Variants in CREB3L2 observed in about 807,000 individuals in gnomAD.
The protein encoded by CREB3L2 is cyclic AMP-responsive element-binding protein 3-like protein 2.
CREB3L2 carries 23 observed loss-of-function variants against 57.2 expected under a neutral mutation model. The observed-to-expected ratio is 0.40, with a 90% confidence interval of 0.29 to 0.57. The LOEUF is 0.57. CREB3L2 is among the 20% of genes least tolerant of loss of function. The pLI, the probability that CREB3L2 is intolerant of heterozygous loss-of-function variation, is 0.42. For synonymous variants in CREB3L2, 268 were observed against 265.1 expected, an observed-to-expected ratio of 1.01 and a Z score of -0.11; for missense variants, 628 against 634.7, an observed-to-expected ratio of 0.99 and a Z score of 0.11.
chr7:137,916,481 C>T (rs1800135442), intron 2 of CREB3L2, among the ~76,000 whole-genome samples: 1 of 152,110 alleles, frequency 6.6e-6, no homozygotes, highest in Admixed American at 6.6e-5. Flanking sequence ...TTTGGGATGC[C>T]AAGGCAAGAG....
At chr7:137,928,731 G>A (rs1283984407) in intron 1 of CREB3L2, among the ~76,000 whole-genome samples, 1 of 152,114 alleles carries the variant, frequency 6.6e-6, no homozygotes, top group Non-Finnish European at 1.5e-5. Context: ...TCCCATGATG[G>A]CAGAAATCTT....
Position 137,937,897 on chromosome 7 carries a change from T to G in CREB3L2, c.103-9531A>C, listed in dbSNP as rs568317318. On this transcript the variant is annotated intron_variant, in intron 1 of 11. Transcript: ENST00000330387. ...TAGTATCCAGATGAACCTTTTTTTT[T>G]TGTAAATGAAGTATGTGAAATAGAT... Among the ~76,000 whole-genome samples the G allele has an allele frequency of 1.2e-4, 18 of 152,102 alleles. No homozygotes were observed. In the South Asian group the frequency reaches 3.7e-3, roughly 32 times the overall value.
At chr7:137,995,724 A>G (rs1047869634) in intron 1 of CREB3L2, among the ~76,000 whole-genome samples, 1 of 152,190 alleles carries the variant, frequency 6.6e-6, no homozygotes, top group Non-Finnish European at 1.5e-5. Context: ...TCTAGCTGCA[A>G]GCACTGTAAT....
In CREB3L2 at chr7:137,880,603, C is replaced by A. The variant is rs754536469; in HGVS notation, c.1488-52G>T. 3.6e-6 allele frequency: 5 copies of A among 1,403,522 alleles called. No homozygotes were observed. Among genetic ancestry groups the A allele is most frequent in the Admixed American group, 3.4e-5 (2 of 58,814 alleles). 86.9% of individuals were successfully genotyped at this position (1,403,522 alleles called of 1,614,324 possible). A position where few individuals can be genotyped will look rare whatever the true frequency, so the allele number is the denominator to read the frequency against. The stretch of plus-strand genomic sequence containing the variant: ...AGTATTAGTCACCAGCTGTTAGCTA[C>A]AATTCTCATGCTTTGTAGCGTGATG... On this transcript the variant is annotated intron_variant, in intron 11 of 11. Coordinates refer to ENST00000330387, the MANE Select transcript of CREB3L2 (RefSeq NM_194071.4). This position sits in a 1 kb window ranked among gnomAD's most constrained non-coding sequence, Gnocchi z 4.0.
At position 137,879,311 on chromosome 7, in the gene CREB3L2, A is replaced by T. The variant is rs542631193; in HGVS notation, c.*1165T>A. The T allele has an allele frequency of 2.1e-4, 108 of 524,902 alleles. No homozygotes were observed. In the East Asian group the frequency reaches 3.8e-3, roughly 18 times the overall value. The allele number at this position is 524,902 out of a possible 1,614,324, so 32.5% of individuals were successfully genotyped here. A position where few individuals can be genotyped will look rare whatever the true frequency, so the allele number is the denominator to read the frequency against. ...CTACCCCACCCTGCTTTGTTGAGGT[A>T]GGGGACGAGGAGGACAAAGTGGAAG... On this transcript the variant is annotated 3_prime_UTR_variant, in exon 12 of 12. Transcript: ENST00000330387.
chr7:137,971,552 G>A (rs1312803541), intron 1 of CREB3L2, among the ~76,000 whole-genome samples: 1 of 151,998 alleles, frequency 6.6e-6, no homozygotes, highest in East Asian at 1.9e-4. Flanking sequence ...GCTAGGCTGT[G>A]ATGTGTGAGT....
chr7:137,985,241 G>A (rs1338717283), intron 1 of CREB3L2, among the ~76,000 whole-genome samples: 1 of 152,170 alleles, frequency 6.6e-6, no homozygotes, highest in Non-Finnish European at 1.5e-5. Context: ...TAAATGGAAG[G>A]CACAGGAGAG....
chr7:137,989,895 TC>T (rs1801858941), intron 1 of CREB3L2, among the ~76,000 whole-genome samples: 1 of 152,048 alleles, frequency 6.6e-6, no homozygotes, highest in Non-Finnish European at 1.5e-5. Flanking sequence ...CAGTCTAACC[TC>T]CCCTATCCTC....
intron 1 of CREB3L2, among the ~76,000 whole-genome samples, chr7:137,977,698 A>G (rs1801632832): frequency 6.6e-6 from 1 of 152,162 alleles, no homozygotes; most frequent in Non-Finnish European, 1.5e-5. Flanking sequence ...AGGTGGGCGG[A>G]TCACTTGAAG....
In CREB3L2 at chr7:138,002,075, C is replaced by T. The variant is rs141156737; in HGVS notation, c.-370G>A. The T allele has an allele frequency of 1.1e-5, 3 of 274,018 alleles. No individual in the cohort carries two copies. The highest frequency in any genetic ancestry group is 2.2e-5 in the African/African-American group (1 of 46,438). 17.0% of individuals were successfully genotyped at this position (274,018 alleles called of 1,614,324 possible). Reference sequence around the variant, plus strand: ...ACACAAACTTTGAGGGACCCCAGGGCTCCTCGGCTCTGCTCCAGGACCCAG... The same window carrying T: ...ACACAAACTTTGAGGGACCCCAGGGTTCCTCGGCTCTGCTCCAGGACCCAG... On this transcript the variant is annotated 5_prime_UTR_variant, in exon 1 of 12. Coordinates refer to ENST00000330387, the MANE Select transcript of CREB3L2 (RefSeq NM_194071.4).
intron 10 of CREB3L2, among the ~76,000 whole-genome samples, chr7:137,883,291 C>A (rs910554114): frequency 1.3e-5 from 2 of 152,196 alleles, no homozygotes; most frequent in Non-Finnish European, 2.9e-5. Flanking sequence ...CAGAGACACA[C>A]CTGCCTGGTG....
chr7:137,981,004 G>A (rs1448961124), intron 1 of CREB3L2, among the ~76,000 whole-genome samples: 1 of 152,144 alleles, frequency 6.6e-6, no homozygotes, highest in Non-Finnish European at 1.5e-5. Context: ...ACACCCTCCA[G>A]AATGCCAAGA....
chr7:137,901,324 G>C, intron 8 of CREB3L2, 30 bp downstream of exon 8: 1 of 1,334,330 alleles, frequency 7.5e-7, no homozygotes, highest in Non-Finnish European at 1.1e-6. Context: ...CATTGGTAGC[G>C]CAATCAGCTC....
chr7:137,991,880 C>T (rs928548049), intron 1 of CREB3L2, among the ~76,000 whole-genome samples: 6 of 149,978 alleles, frequency 4.0e-5, no homozygotes, highest in African/African-American at 1.5e-4. Context: ...TGCACTCCAG[C>T]CTGGGCAACA....
intron 1 of CREB3L2, among the ~76,000 whole-genome samples, chr7:137,994,886 C>T (rs903640104): frequency 7.2e-5 from 11 of 152,182 alleles, no homozygotes. Flanking sequence ...TAGTTGCTAG[C>T]CCATGTTCAT....
chr7:137,975,778 C>A (rs1167534232), intron 1 of CREB3L2, among the ~76,000 whole-genome samples: 2 of 152,216 alleles, frequency 1.3e-5, no homozygotes. Context: ...AAGAGAGAGA[C>A]AATCAAGCTT....
At position 137,880,465 on chromosome 7, in the gene CREB3L2, A is replaced by G; in HGVS notation, c.*11T>C. The G allele has an allele frequency of 1.2e-6, 2 of 1,608,392 alleles. No individual in the cohort carries two copies. Among genetic ancestry groups the G allele is most frequent in the Non-Finnish European group, 1.7e-6 (2 of 1,175,368 alleles). The stretch of plus-strand genomic sequence containing the variant: ...GAGTTAAGGGAAAGGGAGGGGGTGC[A>G]GGCAGCCTCTTTAGAAAGTGGTGTT... On this transcript the variant is annotated 3_prime_UTR_variant, in exon 12 of 12. Transcript: ENST00000330387. This position sits in a 1 kb window ranked among gnomAD's most constrained non-coding sequence, Gnocchi z 4.0.
At chr7:137,968,472 G>A (rs1478242053) in intron 1 of CREB3L2, among the ~76,000 whole-genome samples, 1 of 151,858 alleles carries the variant, frequency 6.6e-6, no homozygotes, top group African/African-American at 2.4e-5. Flanking sequence ...GTGGTTTTCT[G>A]TCCTTGTGAT....
At chr7:137,986,863 C>T (rs751018170) in intron 1 of CREB3L2, among the ~76,000 whole-genome samples, 6 of 152,212 alleles carry the variant, frequency 3.9e-5, no homozygotes, top group Non-Finnish European at 5.9e-5. Context: ...TTGGCAGCTA[C>T]GTTTCTGCCC....
Sources: gnomAD v4.1 joint callset for allele counts (sites outside exome capture counted in the v4.1 genomes callset) on GRCh38, gnomAD v4.1.1 for gene constraint, Gnocchi (gnomAD v3.1) non-coding constraint, MANE v1.5 for transcripts, NCBI Gene and HGNC (gene_info 2026-07-23, HGNC 2026-07-21) for gene names.